The following DPYD variants were observed in gnomAD, a reference collection of about 807,000 sequenced individuals.
DPYD encodes the protein dihydropyrimidine dehydrogenase [NADP(+)].
DPYD carries 109 observed loss-of-function variants against 116.2 expected under a neutral mutation model. The observed-to-expected ratio is 0.94, with a 90% CI of 0.80 to 1.10. DPYD has a LOEUF of 1.10. DPYD is among the 50% of genes least tolerant of loss of function. The pLI is 0.00. For missense variants in DPYD, 1,302 were observed against 1,254.5 expected, an observed-to-expected ratio of 1.04 and a Z score of -0.57; for synonymous variants, 440 against 432.0, an observed-to-expected ratio of 1.02 and a Z score of -0.23.
intron 8 of DPYD, among the ~76,000 whole-genome samples, chr1:97,611,825 A>T (rs951732917): frequency 2.0e-5 from 3 of 152,052 alleles, no homozygotes; most frequent in Admixed American, 2.0e-4. Flanking sequence ...AGATAATATA[A>T]GCAAACCTAG....
intron 2 of DPYD, among the ~76,000 whole-genome samples, chr1:97,838,815 G>A (rs1275895681): frequency 2.0e-5 from 3 of 151,858 alleles, no homozygotes; most frequent in East Asian, 3.9e-4. Flanking sequence ...ACTGCAGTCC[G>A]CAGTCCGGCC....
At chr1:97,673,684 A>C (rs1402850886) in intron 8 of DPYD, among the ~76,000 whole-genome samples, 2 of 152,140 alleles carry the variant, frequency 1.3e-5, no homozygotes, top group Non-Finnish European at 2.9e-5. Flanking sequence ...TACAGTAAAA[A>C]GTCCAGTCTG....
chr1:97,662,087 G>A (rs571460776), intron 8 of DPYD, among the ~76,000 whole-genome samples: 8 of 136,676 alleles, frequency 5.9e-5, no homozygotes, highest in Admixed American at 1.7e-4. Context: ...TGCAACCTCC[G>A]CCTCCCAGGT....
At chr1:97,518,651 A>C (rs1232263696) in intron 12 of DPYD, among the ~76,000 whole-genome samples, 1 of 152,028 alleles carries the variant, frequency 6.6e-6, no homozygotes, top group African/African-American at 2.4e-5. Flanking sequence ...CCTCCTAACA[A>C]ATATGTTATT....
intron 16 of DPYD, among the ~76,000 whole-genome samples, chr1:97,309,557 A>G (rs61786357): frequency 0.24 from 36,663 of 151,628 alleles, 5,466 homozygotes; most frequent in Admixed American, 0.39. Flanking sequence ...ACATAAAGTG[A>G]AGGTACCAGA....
intron 16 of DPYD, chr1:97,323,016 T>C (rs183550160): frequency 2.0e-5 from 3 of 151,868 alleles, no homozygotes; most frequent in Non-Finnish European, 4.4e-5. Flanking sequence ...TTCTCCTTTT[T>C]CCTATATTAG....
At chr1:97,578,484 C>G (rs1320862231) in intron 10 of DPYD, among the ~76,000 whole-genome samples, 2 of 152,010 alleles carry the variant, frequency 1.3e-5, no homozygotes, top group Non-Finnish European at 2.9e-5. Flanking sequence ...AATCTGTGGA[C>G]AAGCATTATT....
intron 20 of DPYD, among the ~76,000 whole-genome samples, chr1:97,185,931 C>T (rs1657964554): frequency 6.6e-6 from 1 of 152,114 alleles, no homozygotes; most frequent in African/African-American, 2.4e-5. Context: ...CACAACTTGT[C>T]AAATGGTTCA....
chr1:97,918,004 A>G (rs1278988264), intron 1 of DPYD, among the ~76,000 whole-genome samples: 1 of 152,164 alleles, frequency 6.6e-6, no homozygotes, highest in Admixed American at 6.5e-5. Flanking sequence ...AATGTCCAAT[A>G]CTAACCTTCT....
intron 20 of DPYD, among the ~76,000 whole-genome samples, chr1:97,161,904 C>T (rs960734054): frequency 5.9e-5 from 9 of 151,802 alleles, no homozygotes; most frequent in Admixed American, 1.3e-4. Context: ...CATGAACTCA[C>T]CATTTTTTAT....
At chr1:97,666,327 AT>A in intron 8 of DPYD, among the ~76,000 whole-genome samples, 1 of 151,870 alleles carries the variant, frequency 6.6e-6, no homozygotes, top group South Asian at 2.1e-4. Flanking sequence ...TGCATGGCGA[AT>A]TTTTTCTTTT....
chr1:97,562,756 T>C (rs1011086064), intron 11 of DPYD, among the ~76,000 whole-genome samples: 2 of 152,154 alleles, frequency 1.3e-5, no homozygotes, highest in Non-Finnish European at 2.9e-5. Flanking sequence ...TCTCACTCTG[T>C]TGCCCAGGCC....
chr1:97,710,313 T>G (rs1662211764), intron 5 of DPYD, among the ~76,000 whole-genome samples: 1 of 151,838 alleles, frequency 6.6e-6, no homozygotes, highest in Admixed American at 6.6e-5. Context: ...TATGTAATTT[T>G]CTTTGTTGTT....
At chr1:97,627,660 A>T (rs1304262978) in intron 8 of DPYD, among the ~76,000 whole-genome samples, 1 of 152,008 alleles carries the variant, frequency 6.6e-6, no homozygotes, top group Admixed American at 6.6e-5. Context: ...AAAATTCCTC[A>T]ATTTCCACCT....
intron 14 of DPYD, among the ~76,000 whole-genome samples, chr1:97,446,580 C>A (rs1285450908): frequency 6.6e-6 from 1 of 152,102 alleles, no homozygotes. Context: ...TTATTAATTT[C>A]TCTAACAAAG....
rs181424692 is a variant in DPYD at position 97,122,165 on chromosome 1, G to C, written c.2623-23533C>G. 5.3e-5 allele frequency among the ~76,000 whole-genome samples: 8 copies of C among 152,302 alleles called. No individual in the cohort carries two copies. In the East Asian group the frequency reaches 1.5e-3, roughly 29 times the overall value. ...CCTCATGTAGCCTACTTCCTTTGTAGATGTTTGCTGGAGTACGGATGAAAA... is the reference window on the plus strand; with the variant it reads ...CCTCATGTAGCCTACTTCCTTTGTACATGTTTGCTGGAGTACGGATGAAAA... On this transcript the variant is annotated intron_variant, in intron 20 of 22. Transcript: ENST00000370192.
intron 13 of DPYD, among the ~76,000 whole-genome samples, chr1:97,488,018 A>T (rs577600554): frequency 7.9e-5 from 12 of 152,314 alleles, no homozygotes; most frequent in African/African-American, 2.9e-4. Flanking sequence ...TCTGAAAATA[A>T]CCCAGATATC....
At chr1:97,695,906 G>A (rs765476678) in intron 6 of DPYD, among the ~76,000 whole-genome samples, 1 of 152,160 alleles carries the variant, frequency 6.6e-6, no homozygotes, top group Non-Finnish European at 1.5e-5. Flanking sequence ...AAGGTGGGTA[G>A]ATCGCTTGAG....
chr1:97,675,258 T>C (rs1278749212), intron 8 of DPYD, among the ~76,000 whole-genome samples: 4 of 152,194 alleles, frequency 2.6e-5, no homozygotes, highest in Admixed American at 1.3e-4. Context: ...TAGTAGATGT[T>C]CCAATTCTAC....
Sources: gnomAD v4.1 joint callset for allele counts (sites outside exome capture counted in the v4.1 genomes callset) on GRCh38, gnomAD v4.1.1 for gene constraint, MANE v1.5 for transcripts, NCBI Gene and HGNC (gene_info 2026-07-23, HGNC 2026-07-21) for gene names.